ITSN2: variants seen among roughly 807,000 people sequenced by gnomAD.
ITSN2 encodes intersectin-2.
Under a neutral mutation model 243.7 loss-of-function variants are expected in ITSN2, and 156 were observed. That is an observed-to-expected ratio of 0.64 (90% confidence interval 0.56 to 0.73). ITSN2 has a LOEUF of 0.73. Ranked by LOEUF, ITSN2 falls within the 30% of genes least tolerant of loss-of-function variation. The probability of loss-of-function intolerance (pLI) is 0.00; values close to 1 mark genes in which losing one functional copy is unlikely to be tolerated. For synonymous variants in ITSN2, 703 were observed against 699.9 expected (o/e 1.00, Z -0.07); for missense variants, 1,801 against 1,996.1 (o/e 0.90, Z 1.86).
At chr2:24,328,766 A>G (rs1382561597) in intron 1 of ITSN2, among the ~76,000 whole-genome samples, 3 of 152,222 alleles carry the variant, frequency 2.0e-5, no homozygotes, top group Admixed American at 6.5e-5. Context: ...CCCAGCCCAT[A>G]GTATCATTTT....
chr2:24,301,757 C>T (rs1344710917), intron 10 of ITSN2, among the ~76,000 whole-genome samples: 1 of 152,142 alleles, frequency 6.6e-6, no homozygotes, highest in Non-Finnish European at 1.5e-5. Flanking sequence ...AACTCCCGGC[C>T]TCATGTGATC....
chr2:24,340,424 C>A (rs756485196), intron 1 of ITSN2, among the ~76,000 whole-genome samples: 1 of 150,128 alleles, frequency 6.7e-6, no homozygotes, highest in African/African-American at 2.5e-5. Context: ...GAGGTTACAG[C>A]GAACTGAGAT....
chr2:24,327,029 AATT>A, intron 2 of ITSN2, among the ~76,000 whole-genome samples: 1 of 152,150 alleles, frequency 6.6e-6, no homozygotes, highest in East Asian at 1.9e-4. Context: ...AATAATAAAG[AATT>A]ATTGAGTTTA....
At chr2:24,337,337 T>TATATATATATATATATATATAC (rs1558650666) in intron 1 of ITSN2, among the ~76,000 whole-genome samples, 2 of 111,744 alleles carry the variant, frequency 1.8e-5, no homozygotes, top group Non-Finnish European at 3.6e-5. Context: ...TATATATATA[T>TATATATATATATATATATATAC]ATATATATAT....
At chr2:24,254,022 A>G (rs1008567589) in intron 24 of ITSN2, among the ~76,000 whole-genome samples, 7 of 152,198 alleles carry the variant, frequency 4.6e-5, no homozygotes, top group Admixed American at 2.0e-4. Flanking sequence ...TGTAATTAAA[A>G]TGTATAAGCA....
chr2:24,335,615 A>G (rs1190301419), intron 1 of ITSN2, among the ~76,000 whole-genome samples: 1 of 151,346 alleles, frequency 6.6e-6, no homozygotes, highest in East Asian at 2.0e-4. Flanking sequence ...ATTACAAGCG[A>G]AAGCCACTGC....
chr2:24,265,400 C>T (rs572230071), intron 20 of ITSN2, among the ~76,000 whole-genome samples: 5 of 152,284 alleles, frequency 3.3e-5, no homozygotes, highest in African/African-American at 7.2e-5. Context: ...GAATAGTCAT[C>T]GTTTCTATAC....
intron 1 of ITSN2, among the ~76,000 whole-genome samples, chr2:24,336,877 G>A (rs1381404917): frequency 1.3e-5 from 2 of 152,058 alleles, no homozygotes; most frequent in Non-Finnish European, 2.9e-5. Context: ...CTGAACAAAT[G>A]AATTGGGTAA....
At chr2:24,312,074 T>C in intron 5 of ITSN2, 138 bp downstream of exon 5, 1 of 677,922 alleles carries the variant, frequency 1.5e-6, no homozygotes, top group East Asian at 2.9e-5. Flanking sequence ...ATTTAATATT[T>C]ATTATCTCTA....
intron 1 of ITSN2, among the ~76,000 whole-genome samples, chr2:24,356,026 C>A (rs1267599894): frequency 6.6e-6 from 1 of 152,058 alleles, no homozygotes. Flanking sequence ...ATGGTGAAAC[C>A]CCATCTCTAC....
rs999980396 is a variant in ITSN2 at position 24,301,215 on chromosome 2, A to T, written c.1020T>A (p.Ile340=). Residue 340 remains isoleucine, a synonymous_variant, in exon 11 of 40, where the codon ATT becomes ATA. Coordinates refer to ENST00000355123, the MANE Select transcript of ITSN2 (RefSeq NM_006277.3). ...SFRGGKQIDS[I]NGTLPSYQKM... ...TCTGATATGAAGGCAGAGTTCCATTAATGGAATCAATTTGCTTTCCTCCTC... is the reference window on the plus strand; with the variant it reads ...TCTGATATGAAGGCAGAGTTCCATTTATGGAATCAATTTGCTTTCCTCCTC... 2 of 1,607,742 alleles carry T rather than the reference A, an allele frequency of 1.2e-6. No individual in the cohort carries two copies. Among genetic ancestry groups the T allele is most frequent in the African/African-American group, 2.7e-5 (2 of 74,748 alleles).
At chr2:24,302,971 A>C (rs1280463874) in intron 9 of ITSN2, among the ~76,000 whole-genome samples, 1 of 152,244 alleles carries the variant, frequency 6.6e-6, no homozygotes, top group Non-Finnish European at 1.5e-5. Flanking sequence ...GTCATAAAGC[A>C]ACGCATTACC....
chr2:24,324,309 C>T (rs918810438), intron 2 of ITSN2, among the ~76,000 whole-genome samples: 53 of 152,056 alleles, frequency 3.5e-4, no homozygotes, highest in African/African-American at 9.4e-4. Context: ...TATATACCCC[C>T]GGGCAGTGAT....
intron 1 of ITSN2, among the ~76,000 whole-genome samples, chr2:24,337,814 C>T (rs752903345): frequency 5.3e-5 from 8 of 152,036 alleles, no homozygotes; most frequent in Non-Finnish European, 1.2e-4. Context: ...TTTTATAAAA[C>T]TTTCTCTAGT....
intron 29 of ITSN2, among the ~76,000 whole-genome samples, chr2:24,243,191 T>C (rs1285750879): frequency 6.6e-6 from 1 of 152,194 alleles, no homozygotes; most frequent in Non-Finnish European, 1.5e-5. Flanking sequence ...TGTATAAATA[T>C]TCATTGCAGC....
Position 24,204,061 on chromosome 2 carries a change from A to G in ITSN2, c.4936+184T>C. 2 of 649,556 alleles carry G rather than the reference A, an allele frequency of 3.1e-6. No homozygotes were observed. The highest frequency in any genetic ancestry group is 3.9e-5 in the South Asian group (2 of 51,924). The allele number at this position is 649,556 out of a possible 1,614,324, so 40.2% of individuals were successfully genotyped here. On this transcript the variant is annotated intron_variant, in intron 39 of 39. Transcript: ENST00000355123. The surrounding 1 kb of genome is among the most constrained non-coding windows in gnomAD (Gnocchi z 5.1). ...GAGTGATGGGTCAAAGACCTGAAAC[A>G]CATCTCAGGCCACCTCCTCCCCTGA...
At chr2:24,286,134 G>T (rs1679469745) in intron 16 of ITSN2, 78 bp downstream of exon 16, 3 of 776,450 alleles carry the variant, frequency 3.9e-6, no homozygotes, top group Non-Finnish European at 6.2e-6. Flanking sequence ...AATAGCTTTA[G>T]CTATTTATTC....
chr2:24,233,855 G>A (rs752714225), intron 29 of ITSN2, among the ~76,000 whole-genome samples: 19 of 152,056 alleles, frequency 1.2e-4, no homozygotes, highest in Admixed American at 5.2e-4. Flanking sequence ...CTCATTTATC[G>A]TTCTCTTTGA....
chr2:24,257,991 C>A lies in ITSN2; in HGVS notation c.2785G>T (p.Glu929Ter). The change falls in exon 23 of 40, where the codon GAG becomes TAG. Residue 929 changes from glutamate (E) to a stop codon, truncating the protein, a stop_gained. Transcript: ENST00000355123. LOFTEE classifies it high-confidence loss of function. ...FSKHDIITVL[E>*]QQENWWFGEV... Reference sequence around the variant, plus strand: ...CCAAACCACCAATTTTCTTGCTGCTCCAAGACAGTAATAATGTCATGTTTT... The same window carrying A: ...CCAAACCACCAATTTTCTTGCTGCTACAAGACAGTAATAATGTCATGTTTT... 6.2e-7 allele frequency: 1 copy of A among 1,613,976 alleles called. No individual in the cohort carries two copies. Among genetic ancestry groups the A allele is most frequent in the South Asian group, 1.1e-5 (1 of 91,064 alleles).
Sources: gnomAD v4.1 joint callset for allele counts (sites outside exome capture counted in the v4.1 genomes callset) on GRCh38, gnomAD v4.1.1 for gene constraint, Gnocchi (gnomAD v3.1) non-coding constraint, MANE v1.5 for transcripts, NCBI Gene and HGNC (gene_info 2026-07-23, HGNC 2026-07-21) for gene names.